SLC4A11: variants seen among roughly 807,000 people sequenced by gnomAD.
The protein encoded by SLC4A11 is bicarbonate transporter related protein 1.
SLC4A11 carries 74 observed loss-of-function variants against 95.0 expected under a neutral mutation model. The ratio of observed to expected loss-of-function variants is 0.78; its 90% CI spans 0.65 to 0.95. The LOEUF (loss-of-function observed/expected upper bound fraction) is 0.95, where lower values mean the gene tolerates loss of function less well. SLC4A11 is among the 40% of genes least tolerant of loss of function. The pLI, the probability that SLC4A11 is intolerant of heterozygous loss-of-function variation, is 0.00. For synonymous variants in SLC4A11, 548 were observed against 519.0 expected (o/e 1.06, Z -0.76); for missense variants, 1,081 against 1,192.4 (o/e 0.91, Z 1.38).
chr20:3,228,600 A>G lies in SLC4A11; in HGVS notation c.2300T>C (p.Val767Ala). The G allele has an allele frequency of 6.2e-7, 1 of 1,613,302 alleles. No individual in the cohort carries two copies. The highest frequency in any genetic ancestry group is 8.5e-7 in the Non-Finnish European group (1 of 1,179,958). The stretch of plus-strand genomic sequence containing the variant: ...GATGTAGAGGAAGAGGCCATAGAGC[A>G]CGGGCTTGGGGATCCACTGAAGCGG... ...PVPLQWIPKP[V>A]LYGLFLYIAL... The change falls in exon 18 of 20, where the codon GTG (valine) becomes GCG (alanine). Residue 767 changes from valine to alanine, a missense_variant. Transcript: ENST00000642402.
chr20:3,234,544 C>A lies in SLC4A11; in HGVS notation c.291+24G>T. 1 of 1,613,712 alleles carries A rather than the reference C, an allele frequency of 6.2e-7. No individual in the cohort carries two copies. The highest frequency in any genetic ancestry group is 2.2e-5 in the East Asian group (1 of 44,860). On this transcript the variant is annotated intron_variant, in intron 4 of 19. Coordinates refer to ENST00000642402, the MANE Select transcript of SLC4A11 (RefSeq NM_001174089.2). The surrounding 1 kb of genome is among the most constrained non-coding windows in gnomAD (Gnocchi z 5.8). The stretch of plus-strand genomic sequence containing the variant: ...CAGCCCCCAGGTAGAGGCCCCAGGA[C>A]CACCTGCAGGACAGGCCATTCACCT...
At chr20:3,233,766 G>T in intron 6 of SLC4A11, 129 bp from the exon 7 acceptor site, 1 of 1,527,462 alleles carries the variant, frequency 6.5e-7, no homozygotes, top group Non-Finnish European at 9.0e-7. Context: ...CAAATGGGAC[G>T]TTCCTTGGCA....
In SLC4A11 at chr20:3,234,430, C is replaced by CCCCAGCA. The variant is rs2067899862; in HGVS notation, c.292-117_292-116insTGCTGGG. 9 of 1,511,214 alleles carry CCCCAGCA rather than the reference C, an allele frequency of 6.0e-6. No homozygotes were observed. In the South Asian group the frequency reaches 1.0e-4, roughly 17 times the overall value. The allele number at this position is 1,511,214 out of a possible 1,614,324, so 93.6% of individuals were successfully genotyped here. ...CAGCCCCCAGCCCCCAGCCCCCAGC[C>CCCCAGCA]CTGGGCTGGTGCGAGCTCCCTGTTG... On this transcript the variant is annotated intron_variant, in intron 4 of 19. Coordinates refer to ENST00000642402, the MANE Select transcript of SLC4A11 (RefSeq NM_001174089.2). The surrounding 1 kb of genome is among the most constrained non-coding windows in gnomAD (Gnocchi z 5.8).
In SLC4A11 at chr20:3,228,281, T is replaced by G; in HGVS notation, c.2536A>C (p.Met846Leu). 1 of 1,612,584 alleles carries G rather than the reference T, an allele frequency of 6.2e-7. No homozygotes were observed. The change falls in exon 19 of 20, where the codon ATG becomes CTG. Residue 846 changes from methionine (M) to leucine (L), a missense_variant. Coordinates refer to ENST00000642402, the MANE Select transcript of SLC4A11 (RefSeq NM_001174089.2). ...PYMKMIFPLI[M>L]IAMIPIRYIL... ...TACCGGATGGGGATCATGGCGATCA[T>G]GATGAGGGGAAAGATCATCTTCATG...
rs761675091 is a variant in SLC4A11, at chr20:3,234,222, C to T, written c.384G>A (p.Thr128=). The T allele has an allele frequency of 1.7e-5, 27 of 1,613,944 alleles. No individual in the cohort carries two copies. In the Middle Eastern group the frequency reaches 4.9e-4, roughly 29 times the overall value. ...GCAGCACGTTATCCAGGGAGGTGGCCGTCTCGTTCAGGACGATGCTGGCCT... is the reference window on the plus strand; with the variant it reads ...GCAGCACGTTATCCAGGGAGGTGGCTGTCTCGTTCAGGACGATGCTGGCCT... The part of the protein sequence containing the change: ...LAQASIVLNE[T]ATSLDNVLRT... The change falls in exon 5 of 20, where the codon ACG becomes ACA. Residue 128 remains threonine, a synonymous_variant. Coordinates refer to ENST00000642402, the MANE Select transcript of SLC4A11 (RefSeq NM_001174089.2). This position sits in a 1 kb window ranked among gnomAD's most constrained non-coding sequence, Gnocchi z 5.8.
At position 3,227,874 on chromosome 20, in the gene SLC4A11, C is replaced by A. The variant is rs765705738; in HGVS notation, c.2559-18G>T. The A allele has an allele frequency of 6.2e-7, 1 of 1,611,062 alleles. No individual in the cohort carries two copies. Among genetic ancestry groups the A allele is most frequent in the Non-Finnish European group, 8.5e-7 (1 of 1,178,966 alleles). ...GGATATAGCTGTGGGGAGGGAGGGA[C>A]AGGAGGATGAGCCTGGGTCAGAGAG... On this transcript the variant is annotated intron_variant, in intron 19 of 19. Transcript: ENST00000642402.
At chr20:3,238,551 G>C in intron 1 of SLC4A11, 1 of 991,222 alleles carries the variant, frequency 1.0e-6, no homozygotes, top group Non-Finnish European at 1.2e-6. Flanking sequence ...TACAAACCTG[G>C]GTCCTGGCGG....
upstream of SLC4A11, chr20:3,239,280 G>T (rs2068083656): frequency 1.7e-6 from 2 of 1,188,842 alleles, no homozygotes; most frequent in Non-Finnish European, 2.1e-6. Context: ...CCGCTCAGAC[G>T]CCGCGCCCGG....
In SLC4A11 at chr20:3,234,182, G is replaced by A. The variant is rs201317086; in HGVS notation, c.424C>T (p.Arg142Cys). ...LDNVLRTMLRRFARDPDNNEP... is the reference protein window; with the variant it reads ...LDNVLRTMLRCFARDPDNNEP... ...TTGTTGTCAGGGTCCCTGGCGAAGC[G>A]GCGAAGCATGGTCCGCAGCACGTTA... is the stretch of plus-strand genomic sequence containing the variant. The change falls in exon 5 of 20, where the codon CGC (arginine) becomes TGC (cysteine). Residue 142 changes from arginine (R) to cysteine (C), a missense_variant. Transcript: ENST00000642402. This position sits in a 1 kb window ranked among gnomAD's most constrained non-coding sequence, Gnocchi z 5.8. 9.3e-6 allele frequency: 15 copies of A among 1,614,092 alleles called. No individual in the cohort carries two copies. The highest frequency in any genetic ancestry group is 2.7e-5 in the African/African-American group (2 of 75,058).
Position 3,237,660 on chromosome 20 carries a change from C to T in SLC4A11, c.44-72G>A, listed in dbSNP as rs764047662. The T allele has an allele frequency of 5.0e-6, 8 of 1,614,096 alleles. No individual in the cohort carries two copies. In the African/African-American group the frequency reaches 6.7e-5, roughly 13 times the overall value. On this transcript the variant is annotated intron_variant, in intron 1 of 19. Coordinates refer to ENST00000642402, the MANE Select transcript of SLC4A11 (RefSeq NM_001174089.2). ...GACCTCCTGTGTGCACCTGTCTCCCCGCCCCCCGACCTGGCTCATTCCTTC... is the reference window on the plus strand; with the variant it reads ...GACCTCCTGTGTGCACCTGTCTCCCTGCCCCCCGACCTGGCTCATTCCTTC...
In SLC4A11 at chr20:3,231,591, C is replaced by A. The variant is rs371200499; in HGVS notation, c.730-43G>T. On this transcript the variant is annotated intron_variant, in intron 7 of 19. Transcript: ENST00000642402. This position sits in a 1 kb window ranked among gnomAD's most constrained non-coding sequence, Gnocchi z 5.2. Reference sequence around the variant, plus strand: ...GAGTCACCCCTAGAAACAGAGGAGGCCCTGCCCGGGCCGAGCAGGTGAAGG... The same window carrying A: ...GAGTCACCCCTAGAAACAGAGGAGGACCTGCCCGGGCCGAGCAGGTGAAGG... The A allele has an allele frequency of 6.3e-7, 1 of 1,584,966 alleles. No individual in the cohort carries two copies. Among genetic ancestry groups the A allele is most frequent in the Non-Finnish European group, 8.6e-7 (1 of 1,160,066 alleles).
At position 3,233,261 on chromosome 20, in the gene SLC4A11, G is replaced by T. The variant is rs55935226; in HGVS notation, c.729+253C>A. Among the ~76,000 whole-genome samples the T allele has an allele frequency of 3.0e-3, 455 of 152,288 alleles. 5 individuals carry two copies. The highest frequency in any genetic ancestry group is 8.5e-3 in the African/African-American group (352 of 41,552). On this transcript the variant is annotated intron_variant, in intron 7 of 19. Transcript: ENST00000642402. ...GCGGGCGGGCAGGCCAGAGAAGGCC[G>T]CGTGTTTGAATAGGGATAGTGGTCA...
At chr20:3,236,668 G>A (rs1017288703) in intron 2 of SLC4A11, among the ~76,000 whole-genome samples, 4 of 152,072 alleles carry the variant, frequency 2.6e-5, no homozygotes, top group Admixed American at 6.6e-5. Flanking sequence ...CTTCCTCCCC[G>A]GGTCAGGCTT....
At chr20:3,228,762 ACT>A in intron 17 of SLC4A11, 55 bp from the exon 18 acceptor site, 1 of 1,611,816 alleles carries the variant, frequency 6.2e-7, no homozygotes, top group Non-Finnish European at 8.5e-7. Context: ...ACAGGGCCTC[ACT>A]CCTCCCTATG....
At chr20:3,232,234 C>T (rs1049269637) in intron 7 of SLC4A11, among the ~76,000 whole-genome samples, 3 of 152,118 alleles carry the variant, frequency 2.0e-5, no homozygotes, top group Non-Finnish European at 4.4e-5. Flanking sequence ...GGTCCAAGCC[C>T]GTCAGGCACT....
chr20:3,236,361 G>C (rs1462002344), intron 2 of SLC4A11, among the ~76,000 whole-genome samples: 1 of 152,214 alleles, frequency 6.6e-6, no homozygotes. Context: ...CGGATCACGA[G>C]GTCAGGAGAT....
Position 3,229,591 on chromosome 20 carries a change from C to G in SLC4A11, c.1675G>C (p.Val559Leu), listed in dbSNP as rs144734280. ...SATHSGQATA[V>L]LSLLIMLGTL... ...CCCAGCATGATGAGGAGGCTGAGCA[C>G]GGCGGTCGCCTGGCCTGAGTGTGTG... Residue 559 changes from valine to leucine, a missense_variant, in exon 14 of 20, where the codon GTG becomes CTG. Around this residue, in one of 3 missense-constraint regions of SLC4A11, gnomAD observed 767 missense variants for 858.0 expected, o/e 0.89. Coordinates refer to ENST00000642402, the MANE Select transcript of SLC4A11 (RefSeq NM_001174089.2). The G allele has an allele frequency of 6.2e-7, 1 of 1,612,572 alleles. No individual in the cohort carries two copies. The highest frequency in any genetic ancestry group is 2.2e-5 in the East Asian group (1 of 44,846).
chr20:3,235,171 C>G (rs1384774355), intron 2 of SLC4A11, among the ~76,000 whole-genome samples: 1 of 152,196 alleles, frequency 6.6e-6, no homozygotes, highest in African/African-American at 2.4e-5. Context: ...CATGTCCACT[C>G]CAGACACATT....
intron 19 of SLC4A11, 27 bp from the exon 20 acceptor site, chr20:3,227,883 G>A (rs757027126): frequency 6.8e-6 from 11 of 1,608,154 alleles, no homozygotes; most frequent in African/African-American, 5.4e-5. Context: ...ACAGGAGGAT[G>A]AGCCTGGGTC....
Sources: allele counts gnomAD v4.1 joint callset (sites outside exome capture counted in the v4.1 genomes callset), GRCh38; gene constraint gnomAD v4.1.1; regional missense constraint gnomAD v4.1.1; non-coding constraint Gnocchi (gnomAD v3.1); transcripts MANE v1.5; gene names NCBI Gene and HGNC (gene_info 2026-07-23, HGNC 2026-07-21).